Variants in MCTP1 observed in about 807,000 individuals in gnomAD.
The protein encoded by MCTP1 is multiple C2 and transmembrane domain-containing protein 1.
In MCTP1, 69 loss-of-function variants were observed where a neutral mutation model predicts 120.6. The ratio of observed to expected loss-of-function variants is 0.57; its 90% confidence interval spans 0.47 to 0.70. The LOEUF (loss-of-function observed/expected upper bound fraction) is 0.70. Ranked by LOEUF, MCTP1 falls within the 30% of genes least tolerant of loss-of-function variation. MCTP1 has a pLI of 0.00. For missense variants in MCTP1, 1,203 were observed against 1,248.8 expected (o/e 0.96, Z 0.55); for synonymous variants, 529 against 493.1 (o/e 1.07, Z -0.96).
chr5:94,898,294 C>G (rs530049037), intron 10 of MCTP1, among the ~76,000 whole-genome samples: 1 of 152,238 alleles, frequency 6.6e-6, no homozygotes, highest in South Asian at 2.1e-4. Flanking sequence ...TCTTATTTAT[C>G]TAAATATTCT....
At chr5:95,066,967 G>A (rs1240938438) in intron 1 of MCTP1, among the ~76,000 whole-genome samples, 1 of 152,210 alleles carries the variant, frequency 6.6e-6, no homozygotes, top group Admixed American at 6.5e-5. Flanking sequence ...TACGGCCGCT[G>A]TTGATCTGAC....
At chr5:95,044,933 A>G (rs1405100096) in intron 1 of MCTP1, among the ~76,000 whole-genome samples, 1 of 152,110 alleles carries the variant, frequency 6.6e-6, no homozygotes, top group Non-Finnish European at 1.5e-5. Flanking sequence ...AAGCAGCTGA[A>G]GTGATCGTCA....
At chr5:94,785,905 T>C (rs749241864) in intron 18 of MCTP1, among the ~76,000 whole-genome samples, 7 of 152,122 alleles carry the variant, frequency 4.6e-5, no homozygotes, top group Middle Eastern at 3.2e-3. Flanking sequence ...GGAGCTGCAA[T>C]AGGCAAGTTA....
intron 18 of MCTP1, among the ~76,000 whole-genome samples, chr5:94,786,105 G>A (rs1162815152): frequency 2.0e-5 from 3 of 152,110 alleles, no homozygotes; most frequent in Admixed American, 1.3e-4. Flanking sequence ...ATTAATGCCA[G>A]CAGACTTTTG....
chr5:95,084,930 G>T (rs1047627484), intron 1 of MCTP1, among the ~76,000 whole-genome samples: 1 of 152,090 alleles, frequency 6.6e-6, no homozygotes, highest in African/African-American at 2.4e-5. Context: ...TCTGAAGCAA[G>T]AGTAAGGGCT....
intron 1 of MCTP1, among the ~76,000 whole-genome samples, chr5:95,156,006 A>T (rs894412330): frequency 1.3e-5 from 2 of 152,202 alleles, no homozygotes; most frequent in South Asian, 4.1e-4. Context: ...GGCCTCTAGG[A>T]GCTGAAAGCA....
intron 16 of MCTP1, among the ~76,000 whole-genome samples, chr5:94,868,974 C>T (rs546624331): frequency 3.9e-5 from 6 of 151,926 alleles, no homozygotes; most frequent in African/African-American, 1.4e-4. Context: ...ATCTATCTAT[C>T]TTCTATCTAT....
chr5:94,971,131 A>G (rs761624623), intron 2 of MCTP1, among the ~76,000 whole-genome samples: 47 of 152,092 alleles, frequency 3.1e-4, no homozygotes, highest in Non-Finnish European at 6.8e-4. Context: ...GCTCTGTTGT[A>G]TACAGTTTTG....
intron 2 of MCTP1, among the ~76,000 whole-genome samples, chr5:95,015,395 T>A (rs1306392326): frequency 6.6e-6 from 1 of 152,112 alleles, no homozygotes; most frequent in Non-Finnish European, 1.5e-5. Flanking sequence ...AATATTGTCA[T>A]AGTTAAAGAC....
chr5:95,147,113 G>A (rs1760463553), intron 1 of MCTP1, among the ~76,000 whole-genome samples: 1 of 151,994 alleles, frequency 6.6e-6, no homozygotes, highest in South Asian at 2.1e-4. Context: ...TTAAGACAGA[G>A]TCTCACTCTG....
chr5:95,107,976 T>C lies in MCTP1; in HGVS notation c.721-90492A>G, dbSNP rs867455102. On this transcript the variant is annotated intron_variant, in intron 1 of 22. Coordinates refer to ENST00000515393, the MANE Select transcript of MCTP1 (RefSeq NM_024717.7). ...CACCTAGGTATTAAGCCCAGCAGTC[T>C]CACCATTCTGAAGCACTATGACATG... Among the ~76,000 whole-genome samples the C allele has an allele frequency of 4.6e-5, 7 of 152,324 alleles. No individual in the cohort carries two copies. The Middle Eastern group carries it at 0.01, about 222-fold the overall frequency.
intron 12 of MCTP1, among the ~76,000 whole-genome samples, chr5:94,887,714 G>A (rs1205184516): frequency 6.6e-6 from 1 of 151,940 alleles, no homozygotes; most frequent in Non-Finnish European, 1.5e-5. Context: ...TCATCTTCTT[G>A]GTTACAAATG....
intron 1 of MCTP1, among the ~76,000 whole-genome samples, chr5:95,020,063 T>C (rs1837897641): frequency 6.6e-6 from 1 of 152,102 alleles, no homozygotes; most frequent in Non-Finnish European, 1.5e-5. Context: ...ATAGGTTTTC[T>C]ACTTCGTAAA....
intron 7 of MCTP1, among the ~76,000 whole-genome samples, chr5:94,923,266 A>C (rs1812173248): frequency 1.3e-5 from 2 of 152,220 alleles, no homozygotes; most frequent in Non-Finnish European, 2.9e-5. Flanking sequence ...GCATATACCA[A>C]GTGTGAATTT....
At chr5:95,169,084 T>C (rs1205031019) in intron 1 of MCTP1, among the ~76,000 whole-genome samples, 1 of 152,222 alleles carries the variant, frequency 6.6e-6, no homozygotes, top group African/African-American at 2.4e-5. Context: ...CAATACCTAA[T>C]TTATTGAGTT....
intron 6 of MCTP1, among the ~76,000 whole-genome samples, chr5:94,925,209 C>T (rs1812742600): frequency 6.6e-6 from 1 of 152,102 alleles, no homozygotes; most frequent in Admixed American, 6.5e-5. Flanking sequence ...TAACAACAAC[C>T]ACAACCACAA....
intron 10 of MCTP1, among the ~76,000 whole-genome samples, chr5:94,904,884 A>G (rs1418024726): frequency 6.6e-6 from 1 of 152,242 alleles, no homozygotes; most frequent in Non-Finnish European, 1.5e-5. Flanking sequence ...GCAGTGAACA[A>G]AACACTCAAA....
At chr5:95,147,050 G>C (rs1311069243) in intron 1 of MCTP1, among the ~76,000 whole-genome samples, 2 of 151,988 alleles carry the variant, frequency 1.3e-5, no homozygotes, top group African/African-American at 4.8e-5. Context: ...ATGAATCTGG[G>C]TGCTACGATG....
chr5:94,723,542 C>A (rs1475470323), intron 19 of MCTP1, among the ~76,000 whole-genome samples: 1 of 148,550 alleles, frequency 6.7e-6, no homozygotes, highest in African/African-American at 2.5e-5. Context: ...TTCCCTTCTG[C>A]TGACTTGGCA....
Sources: gnomAD v4.1 joint callset for allele counts (sites outside exome capture counted in the v4.1 genomes callset) on GRCh38, gnomAD v4.1.1 for gene constraint, MANE v1.5 for transcripts, NCBI Gene and HGNC (gene_info 2026-07-23, HGNC 2026-07-21) for gene names.